ZNF197: variants seen among roughly 807,000 people sequenced by gnomAD.
The protein encoded by ZNF197 is VHL-associated KRAB-A domain-containing protein.
A neutral mutation model predicts 27.4 loss-of-function variants in ZNF197; 14 were observed. The observed-to-expected ratio is 0.51, with a 90% CI of 0.34 to 0.80. The LOEUF (loss-of-function observed/expected upper bound fraction) is 0.80. Among genes scored for constraint, ZNF197 ranks in the 30% least tolerant of loss-of-function variants. The pLI is 0.02. For missense variants in ZNF197, 1,090 were observed against 1,222.6 expected (o/e 0.89, Z 1.62); for synonymous variants, 415 against 420.0 (o/e 0.99, Z 0.15).
intron 5 of ZNF197, among the ~76,000 whole-genome samples, chr3:44,633,975 T>C (rs1212915683): frequency 2.6e-5 from 4 of 152,262 alleles, no homozygotes; most frequent in African/African-American, 9.6e-5. Context: ...TATCCTTTAG[T>C]ATCTCAGTAG....
Position 44,629,398 on chromosome 3 carries a change from C to T in ZNF197, c.244C>T (p.Leu82=). The part of the protein sequence containing the change: ...RPEARTKAQI[L]ELLVLEQFLS... Reference sequence around the variant, plus strand: ...AGAAGCACGCACCAAGGCACAGATCCTGGAGCTGCTGGTGCTGGAGCAGTT... The same window carrying T: ...AGAAGCACGCACCAAGGCACAGATCTTGGAGCTGCTGGTGCTGGAGCAGTT... The change falls in exon 2 of 6, where the codon CTG becomes TTG. Residue 82 remains leucine, a synonymous_variant. Coordinates refer to ENST00000344387, the MANE Select transcript of ZNF197 (RefSeq NM_006991.5). 1.2e-6 allele frequency: 2 copies of T among 1,614,172 alleles called. No homozygotes were observed. The highest frequency in any genetic ancestry group is 1.7e-6 in the Non-Finnish European group (2 of 1,180,034).
Position 44,640,127 on chromosome 3 carries a change from C to T in ZNF197, c.770-1773C>T, listed in dbSNP as rs1337620003. On this transcript the variant is annotated intron_variant, in intron 5 of 5. Transcript: ENST00000344387. This position sits in a 1 kb window ranked among gnomAD's most constrained non-coding sequence, Gnocchi z 4.0. The stretch of plus-strand genomic sequence containing the variant: ...AAGGTTATGGAAAGTAACCAGCTCC[C>T]TCTGTCATTCTGACATTTTTCTACA... Among the ~76,000 whole-genome samples the T allele has an allele frequency of 1.3e-5, 2 of 152,148 alleles. No homozygotes were observed. The highest frequency in any genetic ancestry group is 1.3e-4 in the Admixed American group (2 of 15,274).
At chr3:44,627,801 A>G (rs1196958928) in intron 1 of ZNF197, among the ~76,000 whole-genome samples, 1 of 149,228 alleles carries the variant, frequency 6.7e-6, no homozygotes, top group African/African-American at 2.5e-5. Context: ...ACTGCACTCC[A>G]GCCTGGGTGA....
rs1053138886 is a variant in ZNF197, at chr3:44,644,076, T to A, written c.2946T>A (p.Asp982Glu). Residue 982 changes from aspartate to glutamate, a missense_variant, in exon 6 of 6, where the codon GAT becomes GAA. Physicochemically the swap from Asp to Glu is conservative, Grantham distance 45 (BLOSUM62 2). Coordinates refer to ENST00000344387, the MANE Select transcript of ZNF197 (RefSeq NM_006991.5). ...NLTVHQKIHTDEKPCECDVSE... is the reference protein window; with the variant it reads ...NLTVHQKIHTEEKPCECDVSE... ...CTGTACATCAGAAAATCCACACAGA[T>A]GAAAAACCTTGTGAATGTGATGTGT... The A allele has an allele frequency of 1.2e-6, 2 of 1,614,106 alleles. No homozygotes were observed. Among genetic ancestry groups the A allele is most frequent in the Non-Finnish European group, 8.5e-7 (1 of 1,180,008 alleles).
chr3:44,626,077 G>A (rs1490169435), intron 1 of ZNF197, among the ~76,000 whole-genome samples: 2 of 151,982 alleles, frequency 1.3e-5, no homozygotes. Flanking sequence ...TTTGTGAGAA[G>A]CTAATAAAAT....
Position 44,643,757 on chromosome 3 carries a change from G to A in ZNF197, c.2627G>A (p.Cys876Tyr). 1 of 1,614,044 alleles carries A rather than the reference G, an allele frequency of 6.2e-7. No homozygotes were observed. The highest frequency in any genetic ancestry group is 1.1e-5 in the South Asian group (1 of 91,070). The change falls in exon 6 of 6, where the codon TGT becomes TAT. Residue 876 changes from cysteine (C) to tyrosine (Y), a missense_variant. Physicochemically the swap from Cys to Tyr is radical, Grantham distance 194 (BLOSUM62 -2). Coordinates refer to ENST00000344387, the MANE Select transcript of ZNF197 (RefSeq NM_006991.5). ...CACAGTGGAGAAAAAACCTACGAATGTCATGTATGTAGGAAAGTCCTTACC... is the reference window on the plus strand; with the variant it reads ...CACAGTGGAGAAAAAACCTACGAATATCATGTATGTAGGAAAGTCCTTACC... ...RIHSGEKTYE[C>Y]HVCRKVLTSS...
In ZNF197 at chr3:44,644,329, A is replaced by T. The variant is rs1168632457; in HGVS notation, c.*109A>T. On this transcript the variant is annotated 3_prime_UTR_variant, in exon 6 of 6. Transcript: ENST00000344387. Reference sequence around the variant, plus strand: ...TTATTATTTACTCTTTACTAGACAAATGAGTAGCATATAGAAGAAAGTTAA... The same window carrying T: ...TTATTATTTACTCTTTACTAGACAATTGAGTAGCATATAGAAGAAAGTTAA... 2 of 1,446,884 alleles carry T rather than the reference A, an allele frequency of 1.4e-6. No homozygotes were observed. Among genetic ancestry groups the T allele is most frequent in the African/African-American group, 1.4e-5 (1 of 69,624 alleles). 89.6% of individuals were successfully genotyped at this position (1,446,884 alleles called of 1,614,324 possible).
chr3:44,639,014 A>G (rs1702456130), intron 5 of ZNF197, among the ~76,000 whole-genome samples: 2 of 152,238 alleles, frequency 1.3e-5, no homozygotes, highest in South Asian at 4.1e-4. Flanking sequence ...GTGCCTGGCC[A>G]GAAATTCTAT....
chr3:44,629,052 A>G (rs537563620), intron 1 of ZNF197, 22 bp from the exon 2 acceptor site: 43 of 1,496,290 alleles, frequency 2.9e-5, no homozygotes, highest in South Asian at 9.8e-5. Context: ...AACTTTAACA[A>G]TGATTTCTTG....
chr3:44,630,397 C>T (rs909378398), intron 2 of ZNF197, among the ~76,000 whole-genome samples: 8 of 152,156 alleles, frequency 5.3e-5, no homozygotes, highest in Non-Finnish European at 7.3e-5. Flanking sequence ...TGTAGCCTCT[C>T]ATGTGTGTGA....
In ZNF197 at chr3:44,632,547, G is replaced by A; in HGVS notation, c.717G>A (p.Arg239=). 1 of 1,608,190 alleles carries A rather than the reference G, an allele frequency of 6.2e-7. No individual in the cohort carries two copies. The highest frequency in any genetic ancestry group is 8.5e-7 in the Non-Finnish European group (1 of 1,177,328). The part of the protein sequence containing the change: ...EEWACLGPIQ[R]ALYWDVMLEN... The stretch of plus-strand genomic sequence containing the variant: ...GGGCATGTCTGGGCCCAATCCAGAG[G>A]GCCTTGTACTGGGATGTGATGCTGG... The change falls in exon 5 of 6, where the codon AGG becomes AGA. Residue 239 remains arginine (R), a synonymous_variant. Transcript: ENST00000344387.
Position 44,644,445 on chromosome 3 carries a change from C to A in ZNF197, c.*225C>A. The A allele has an allele frequency of 9.2e-7, 1 of 1,092,228 alleles. No homozygotes were observed. 67.7% of individuals were successfully genotyped at this position (1,092,228 alleles called of 1,614,324 possible). A position where few individuals can be genotyped will look rare whatever the true frequency, so the allele number is the denominator to read the frequency against. ...CCTGAGGTCAGGATTTTGAGACCAG[C>A]CTGACCAACATGGTGAAACCCCATC... On this transcript the variant is annotated 3_prime_UTR_variant, in exon 6 of 6. Coordinates refer to ENST00000344387, the MANE Select transcript of ZNF197 (RefSeq NM_006991.5).
intron 5 of ZNF197, among the ~76,000 whole-genome samples, chr3:44,637,412 G>A (rs1364988250): frequency 1.3e-5 from 2 of 152,170 alleles, no homozygotes; most frequent in African/African-American, 4.8e-5. Context: ...ACAGGCATGA[G>A]CCACTGGGCC....
intron 5 of ZNF197, among the ~76,000 whole-genome samples, chr3:44,641,602 TC>T (rs1702605082): frequency 6.6e-6 from 1 of 152,240 alleles, no homozygotes; most frequent in South Asian, 2.1e-4. Context: ...CTCCATAAGA[TC>T]CTGTGTTTTC....
At position 44,646,344 on chromosome 3, in the gene ZNF197, A is replaced by G; in HGVS notation, c.*2124A>G. ...GGACATATGTACTTTAACAATGGAG[A>G]ATGCTGTGATTTACCTCTTCACCGA... On this transcript the variant is annotated 3_prime_UTR_variant, in exon 6 of 6. Transcript: ENST00000344387. The G allele has an allele frequency of 2.7e-6, 4 of 1,488,418 alleles. No individual in the cohort carries two copies. The highest frequency in any genetic ancestry group is 2.7e-6 in the Non-Finnish European group (3 of 1,120,224). 92.2% of individuals were successfully genotyped at this position (1,488,418 alleles called of 1,614,324 possible). A position where few individuals can be genotyped will look rare whatever the true frequency, so the allele number is the denominator to read the frequency against.
chr3:44,633,103 C>T (rs554150918), intron 5 of ZNF197, among the ~76,000 whole-genome samples: 11 of 152,096 alleles, frequency 7.2e-5, no homozygotes, highest in Non-Finnish European at 1.2e-4. Flanking sequence ...CTTTCTGTAG[C>T]GATCCCTGTC....
chr3:44,634,670 A>C (rs1702185421), intron 5 of ZNF197, among the ~76,000 whole-genome samples: 2 of 151,870 alleles, frequency 1.3e-5, no homozygotes. Flanking sequence ...GGCTGGTCTT[A>C]AACTCCTGAC....
At chr3:44,630,572 C>T (rs1701932055) in intron 2 of ZNF197, among the ~76,000 whole-genome samples, 1 of 152,170 alleles carries the variant, frequency 6.6e-6, no homozygotes. Flanking sequence ...AATACATCCT[C>T]ATTTGAGAGA....
chr3:44,645,921 A>G lies in ZNF197; in HGVS notation c.*1701A>G. 1 of 985,422 alleles carries G rather than the reference A, an allele frequency of 1.0e-6. No individual in the cohort carries two copies. Among genetic ancestry groups the G allele is most frequent in the South Asian group, 4.7e-5 (1 of 21,286 alleles). The allele number at this position is 985,422 out of a possible 1,614,324, so 61.0% of individuals were successfully genotyped here. A position where few individuals can be genotyped will look rare whatever the true frequency, so the allele number is the denominator to read the frequency against. On this transcript the variant is annotated 3_prime_UTR_variant, in exon 6 of 6. Transcript: ENST00000344387. ...CTATATTCTTAAGTTGGTAATTTTT[A>G]TGTTGTAATTCTCAAAGTTCTGTTT...
Sources: gnomAD v4.1 joint callset for allele counts (sites outside exome capture counted in the v4.1 genomes callset) on GRCh38, gnomAD v4.1.1 for gene constraint, Gnocchi (gnomAD v3.1) non-coding constraint, MANE v1.5 for transcripts, NCBI Gene and HGNC (gene_info 2026-07-23, HGNC 2026-07-21) for gene names.